Variants in ARHGAP23 observed in about 807,000 individuals in gnomAD.
ARHGAP23 encodes rho GTPase-activating protein 23.
A neutral mutation model predicts 136.3 loss-of-function variants in ARHGAP23; 34 were observed. The ratio of observed to expected loss-of-function variants is 0.25; its 90% CI spans 0.19 to 0.33. ARHGAP23 has a LOEUF of 0.33. Ranked by LOEUF, ARHGAP23 falls within the 10% of genes least tolerant of loss-of-function variation. The pLI, the probability that ARHGAP23 is intolerant of heterozygous loss-of-function variation, is 1.00. For missense variants in ARHGAP23, 1,808 were observed against 2,139.0 expected (o/e 0.85, Z 3.05); for synonymous variants, 832 against 920.5 (o/e 0.90, Z 1.74).
chr17:38,466,675 G>A lies in ARHGAP23; in HGVS notation c.992G>A (p.Cys331Tyr). ...GTGGCTGCCCCCCGCCCGTGGCCCT[G>A]CTCCACCTCCCAGGATGCTTTGAGC... ...EEVAAPRPWPCSTSQDALSQL... is the reference protein window; with the variant it reads ...EEVAAPRPWPYSTSQDALSQL... Residue 331 changes from cysteine to tyrosine, a missense_variant, in exon 7 of 24, where the codon TGC becomes TAC. This residue lies in a region of ARHGAP23 where 859 missense variants were observed against 936.4 expected (regional missense o/e 0.92). Coordinates refer to ENST00000622683, the MANE Select transcript of ARHGAP23 (RefSeq NM_001199417.2). 1.3e-6 allele frequency: 2 copies of A among 1,518,008 alleles called. No homozygotes were observed. Among genetic ancestry groups the A allele is most frequent in the African/African-American group, 1.4e-5 (1 of 72,768 alleles). The allele number at this position is 1,518,008 out of a possible 1,614,324, so 94.0% of individuals were successfully genotyped here.
At chr17:38,456,273 C>T (rs552114861) in intron 1 of ARHGAP23, among the ~76,000 whole-genome samples, 2 of 152,296 alleles carry the variant, frequency 1.3e-5, no homozygotes, top group East Asian at 1.9e-4. Flanking sequence ...ATGCGGAAAT[C>T]CTTAGCAGAG....
At chr17:38,453,422 C>CGTGTGT (rs1161809844) in intron 1 of ARHGAP23, among the ~76,000 whole-genome samples, 602 of 116,562 alleles carry the variant, frequency 5.2e-3, no homozygotes, top group Middle Eastern at 0.014. Flanking sequence ...CGTATGCGTG[C>CGTGTGT]GTGTGTGTGT....
intron 23 of ARHGAP23, among the ~76,000 whole-genome samples, chr17:38,504,514 A>G (rs571461720): frequency 7.2e-5 from 11 of 152,300 alleles, no homozygotes; most frequent in African/African-American, 2.6e-4. Flanking sequence ...CCGGACATTC[A>G]CGACTGCCAG....
chr17:38,481,881 A>G (rs572134156), intron 14 of ARHGAP23, 141 bp from the exon 15 acceptor site: 3 of 850,358 alleles, frequency 3.5e-6, no homozygotes, highest in Non-Finnish European at 5.1e-6. Flanking sequence ...CTCTCTTGCC[A>G]TACAATGTCC....
chr17:38,489,497 A>G (rs990647037), intron 17 of ARHGAP23, among the ~76,000 whole-genome samples: 16 of 151,178 alleles, frequency 1.1e-4, no homozygotes, highest in African/African-American at 3.7e-4. Flanking sequence ...TAGCCTTAAC[A>G]TTGCTCTGCC....
intron 20 of ARHGAP23, among the ~76,000 whole-genome samples, chr17:38,492,312 A>G (rs1238657872): frequency 6.6e-6 from 1 of 152,186 alleles, no homozygotes; most frequent in South Asian, 2.1e-4. Context: ...ACAGCCCACA[A>G]AGGATGAGAA....
At chr17:38,432,354 C>A (rs1241048193) in intron 1 of ARHGAP23, among the ~76,000 whole-genome samples, 1 of 151,758 alleles carries the variant, frequency 6.6e-6, no homozygotes, top group East Asian at 1.9e-4. Flanking sequence ...CTGGGTGACA[C>A]AAGGAGACCC....
intron 1 of ARHGAP23, chr17:38,453,777 C>CG (rs1184495936): frequency 6.9e-6 from 1 of 145,200 alleles, no homozygotes; most frequent in Non-Finnish European, 1.5e-5. Context: ...TCGGGGCCCC[C>CG]GGGCCCCGGG....
chr17:38,494,781 G>C (rs1197557995), intron 20 of ARHGAP23, among the ~76,000 whole-genome samples: 6 of 152,194 alleles, frequency 3.9e-5, no homozygotes, highest in Non-Finnish European at 8.8e-5. Context: ...AACTTAGCCA[G>C]GCAGAGCAGG....
chr17:38,463,188 C>G lies in ARHGAP23; in HGVS notation c.420C>G (p.Ile140Met), dbSNP rs1418128722. 3.2e-6 allele frequency: 5 copies of G among 1,551,482 alleles called. No individual in the cohort carries two copies. The highest frequency in any genetic ancestry group is 1.2e-5 in the South Asian group (1 of 84,032). The change falls in exon 5 of 24, where the codon ATC (isoleucine) becomes ATG (methionine). Residue 140 changes from isoleucine (I) to methionine (M), a missense_variant. This residue lies in a region of ARHGAP23 where 859 missense variants were observed against 936.4 expected (regional missense o/e 0.92). Coordinates refer to ENST00000622683, the MANE Select transcript of ARHGAP23 (RefSeq NM_001199417.2). ...CCTACTCTCAGGTCATAGCTCTGAT[C>G]CAGAATAGGTGAGTGTCCCTGACCC... is the stretch of plus-strand genomic sequence containing the variant. ...GKTYSQVIALIQNSDDTLELS... is the reference protein window; with the variant it reads ...GKTYSQVIALMQNSDDTLELS...
In ARHGAP23 at chr17:38,458,149, C is replaced by G; in HGVS notation, c.111C>G (p.Pro37=). The change falls in exon 2 of 24, where the codon CCC becomes CCG. Residue 37 remains proline, a synonymous_variant. Coordinates refer to ENST00000622683, the MANE Select transcript of ARHGAP23 (RefSeq NM_001199417.2). ...RDGCSPRRPF[P]WQGPRTLLLY... ...GGTGCTCTCCTAGGCGCCCCTTCCCCTGGCAGGGGCCGAGGACGCTGCTGC... is the reference window on the plus strand; with the variant it reads ...GGTGCTCTCCTAGGCGCCCCTTCCCGTGGCAGGGGCCGAGGACGCTGCTGC... The G allele has an allele frequency of 6.5e-7, 1 of 1,536,154 alleles. No individual in the cohort carries two copies. Among genetic ancestry groups the G allele is most frequent in the Non-Finnish European group, 8.7e-7 (1 of 1,146,910 alleles).
At chr17:38,499,200 G>A (rs560024718) in intron 22 of ARHGAP23, among the ~76,000 whole-genome samples, 3 of 152,346 alleles carry the variant, frequency 2.0e-5, no homozygotes, top group Non-Finnish European at 2.9e-5. Context: ...CCTGGGCATC[G>A]AATTGCTGCC....
intron 1 of ARHGAP23, among the ~76,000 whole-genome samples, chr17:38,440,265 G>A (rs976432993): frequency 3.3e-5 from 5 of 151,284 alleles, no homozygotes; most frequent in African/African-American, 1.2e-4. Context: ...GTGATCCTCC[G>A]AACTCGGCCT....
chr17:38,460,741 C>G (rs935234521), intron 2 of ARHGAP23, among the ~76,000 whole-genome samples, 164 bp from the exon 3 acceptor site: 1 of 152,158 alleles, frequency 6.6e-6, no homozygotes, highest in Non-Finnish European at 1.5e-5. Flanking sequence ...TGGCCTCGGA[C>G]TTGGTGCCCC....
intron 1 of ARHGAP23, among the ~76,000 whole-genome samples, chr17:38,429,790 A>C (rs1398817064): frequency 6.6e-6 from 1 of 152,054 alleles, no homozygotes; most frequent in Non-Finnish European, 1.5e-5. Context: ...CTTCATCTCT[A>C]TCCCCTGCAC....
intron 1 of ARHGAP23, among the ~76,000 whole-genome samples, chr17:38,422,436 G>A (rs549810947): frequency 6.6e-5 from 10 of 152,262 alleles, no homozygotes; most frequent in African/African-American, 2.4e-4. Flanking sequence ...CACAGGGTCC[G>A]TGCCACCGGC....
Position 38,500,639 on chromosome 17 carries a change from A to G in ARHGAP23, c.3447+11A>G. ...TCAGCCAAGTCCAAGGTACGTATGA[A>G]GGCAATTCTGAAGGCTTGATCCCTG... On this transcript the variant is annotated intron_variant, in intron 23 of 23. Transcript: ENST00000622683. The G allele has an allele frequency of 1.3e-6, 2 of 1,548,658 alleles. No homozygotes were observed. The highest frequency in any genetic ancestry group is 1.7e-6 in the Non-Finnish European group (2 of 1,146,030).
At chr17:38,455,508 C>A (rs2039302077) in intron 1 of ARHGAP23, among the ~76,000 whole-genome samples, 1 of 152,214 alleles carries the variant, frequency 6.6e-6, no homozygotes, top group South Asian at 2.1e-4. Flanking sequence ...GAGCAGCCCC[C>A]CCAGGCAGCT....
At chr17:38,492,769 C>T (rs2040305312) in intron 20 of ARHGAP23, among the ~76,000 whole-genome samples, 1 of 152,368 alleles carries the variant, frequency 6.6e-6, no homozygotes, top group South Asian at 2.1e-4. Context: ...GAACACCACT[C>T]CAGAGCTGTC....
Sources: gnomAD v4.1 joint callset for allele counts (sites outside exome capture counted in the v4.1 genomes callset) on GRCh38, gnomAD v4.1.1 for gene constraint, gnomAD v4.1.1 regional missense constraint, MANE v1.5 for transcripts, NCBI Gene and HGNC (gene_info 2026-07-23, HGNC 2026-07-21) for gene names.